The following SF3B2 variants were observed in gnomAD, a reference collection of about 807,000 sequenced individuals.
SF3B2 encodes splicing factor 3b subunit 2, also known as SAP 145.
A neutral mutation model predicts 116.3 loss-of-function variants in SF3B2; 22 were observed. The observed-to-expected ratio is 0.19, with a 90% CI of 0.14 to 0.27. The LOEUF (loss-of-function observed/expected upper bound fraction) is 0.27, where lower values mean the gene tolerates loss of function less well. Ranked by LOEUF, SF3B2 falls within the 10% of genes least tolerant of loss-of-function variation. The pLI, the probability that SF3B2 is intolerant of heterozygous loss-of-function variation, is 1.00. For synonymous variants in SF3B2, 406 were observed against 421.6 expected, an observed-to-expected ratio of 0.96 and a Z score of 0.45; for missense variants, 767 against 1,151.4, an observed-to-expected ratio of 0.67 and a Z score of 4.83.
In SF3B2 at chr11:66,069,062, A is replaced by G; in HGVS notation, c.*317A>G. The G allele has an allele frequency of 2.5e-6, 1 of 393,064 alleles. No individual in the cohort carries two copies. The highest frequency in any genetic ancestry group is 4.9e-6 in the Non-Finnish European group (1 of 205,942). 24.3% of individuals were successfully genotyped at this position (393,064 alleles called of 1,614,324 possible). On this transcript the variant is annotated 3_prime_UTR_variant, in exon 22 of 22. Coordinates refer to ENST00000322535, the MANE Select transcript of SF3B2 (RefSeq NM_006842.3). ...GTGGTGACGCCAACCCCAGGCTGAAATCTGTGTTTCACCACTGCCCTGCTT... is the reference window on the plus strand; with the variant it reads ...GTGGTGACGCCAACCCCAGGCTGAAGTCTGTGTTTCACCACTGCCCTGCTT...
intron 7 of SF3B2, among the ~76,000 whole-genome samples, 184 bp downstream of exon 7, chr11:66,057,559 A>G (rs1303161974): frequency 6.6e-6 from 1 of 152,080 alleles, no homozygotes; most frequent in Non-Finnish European, 1.5e-5. Flanking sequence ...ACTGAGGCAG[A>G]GTCTTGGGGT....
At chr11:66,064,643 T>C (rs1332720341) in intron 19 of SF3B2, 3 of 152,224 alleles carry the variant, frequency 2.0e-5, no homozygotes, top group Admixed American at 6.5e-5. Context: ...CTATCTGATA[T>C]CATTTTTCCT....
chr11:66,061,854 G>A (rs1373834450), intron 15 of SF3B2, 37 bp from the exon 16 acceptor site: 4 of 1,606,334 alleles, frequency 2.5e-6, no homozygotes, highest in Non-Finnish European at 3.4e-6. Context: ...CAGGGATAGG[G>A]TTTGGCAGAT....
In SF3B2 at chr11:66,055,146, C is replaced by T. The variant is rs1856968860; in HGVS notation, c.329C>T (p.Pro110Leu). 21 of 1,586,978 alleles carry T rather than the reference C, an allele frequency of 1.3e-5. No individual in the cohort carries two copies. The highest frequency in any genetic ancestry group is 1.7e-5 in the Non-Finnish European group (20 of 1,162,316). The change falls in exon 4 of 22, where the codon CCA (proline) becomes CTA (leucine). Residue 110 changes from proline (P) to leucine (L), a missense_variant. Coordinates refer to ENST00000322535, the MANE Select transcript of SF3B2 (RefSeq NM_006842.3). The part of the protein sequence containing the change: ...PPLQPPPPPP[P>L]PPPGLGLGFP... ...CTGCAGCCTCCTCCGCCACCCCCAC[C>T]ACCTCCACCAGGCCTTGGCCTTGGC...
intron 16 of SF3B2, 63 bp downstream of exon 16, chr11:66,062,061 T>C (rs1857108901): frequency 3.3e-6 from 4 of 1,200,530 alleles, no homozygotes; most frequent in Non-Finnish European, 4.8e-6. Flanking sequence ...GGTAATTTGT[T>C]TGTTTTCCTT....
chr11:66,052,669 G>A lies in SF3B2; in HGVS notation c.134-4G>A. On this transcript the variant is annotated splice_polypyrimidine_tract_variant and splice_region_variant and intron_variant, in intron 1 of 21. Transcript: ENST00000322535. ...CCCCATTGATCGTGTACTTTGCCCT[G>A]CAGGTAATCGCGAGGAGCTGGTGGA... 1 of 1,594,654 alleles carries A rather than the reference G, an allele frequency of 6.3e-7. No homozygotes were observed. Among genetic ancestry groups the A allele is most frequent in the South Asian group, 1.1e-5 (1 of 88,338 alleles).
Position 66,059,907 on chromosome 11 carries a change from A to G in SF3B2, c.1527A>G (p.Lys509=). 6.2e-7 allele frequency: 1 copy of G among 1,614,148 alleles called. No homozygotes were observed. Among genetic ancestry groups the G allele is most frequent in the East Asian group, 2.2e-5 (1 of 44,872 alleles). ...PVPRHWCFKR[K]YLQGKRGIEK... Reference sequence around the variant, plus strand: ...CACGCCACTGGTGTTTTAAGCGCAAATACCTGCAGGGCAAACGGGGCATTG... The same window carrying G: ...CACGCCACTGGTGTTTTAAGCGCAAGTACCTGCAGGGCAAACGGGGCATTG... The change falls in exon 13 of 22, where the codon AAA becomes AAG. Residue 509 remains lysine, a synonymous_variant. Coordinates refer to ENST00000322535, the MANE Select transcript of SF3B2 (RefSeq NM_006842.3). This position sits in a 1 kb window ranked among gnomAD's most constrained non-coding sequence, Gnocchi z 5.0.
chr11:66,056,791 G>A (rs764682794), intron 5 of SF3B2, 47 bp from the exon 6 acceptor site: 5 of 1,456,794 alleles, frequency 3.4e-6, no homozygotes, highest in African/African-American at 1.4e-5. Flanking sequence ...GGGGCTGCCT[G>A]CCAAATGCGT....
At position 66,058,158 on chromosome 11, in the gene SF3B2, C is replaced by T. The variant is rs1857035916; in HGVS notation, c.874+8C>T. 1 of 1,605,846 alleles carries T rather than the reference C, an allele frequency of 6.2e-7. No homozygotes were observed. The highest frequency in any genetic ancestry group is 1.1e-5 in the South Asian group (1 of 90,348). ...AGATGAATTCTCAGCAGGGTGAGTG[C>T]CAGGCGTTCTGATGCTGTAGCCACA... On this transcript the variant is annotated splice_region_variant and intron_variant, in intron 8 of 21. Coordinates refer to ENST00000322535, the MANE Select transcript of SF3B2 (RefSeq NM_006842.3).
At chr11:66,057,127 A>T (rs748025103) in intron 6 of SF3B2, 139 bp from the exon 7 acceptor site, 35 of 854,254 alleles carry the variant, frequency 4.1e-5, no homozygotes, top group Admixed American at 1.0e-4. Flanking sequence ...ATGATCCAAA[A>T]CATTACCAGC....
chr11:66,055,442 C>A, intron 4 of SF3B2, 93 bp from the exon 5 acceptor site: 1 of 1,592,294 alleles, frequency 6.3e-7, no homozygotes, highest in Non-Finnish European at 8.6e-7. Context: ...GGAACATGGG[C>A]CCTTGACTGG....
In SF3B2 at chr11:66,061,936, T is replaced by TA. The variant is rs1385279210; in HGVS notation, c.1916dup (p.Tyr639Ter). ...CCCATGGCTGATTGCCATGCAGCGATATGGACCACCCCCATCGTATCCCAA... is the reference window on the plus strand; with the variant it reads ...CCCATGGCTGATTGCCATGCAGCGATAATGGACCACCCCCATCGTATCCCAA... ...PPPWLIAMQR[Y>*]GPPPSYPNLK... The change falls in exon 16 of 22, where the codon TAT becomes TAAT. Residue 639 changes from tyrosine (Y) to a stop codon, truncating the protein, a stop_gained and frameshift_variant. Transcript: ENST00000322535. LOFTEE classifies it high-confidence loss of function. 1 of 1,613,960 alleles carries TA rather than the reference T, an allele frequency of 6.2e-7. No homozygotes were observed.
chr11:66,068,461 A>C, intron 21 of SF3B2, 128 bp downstream of exon 21: 1 of 1,048,764 alleles, frequency 9.5e-7, no homozygotes, highest in Non-Finnish European at 1.4e-6. Context: ...GCTTCCTTAG[A>C]TTTGGAAGTC....
In SF3B2 at chr11:66,068,810, C is replaced by T; in HGVS notation, c.*65C>T. On this transcript the variant is annotated 3_prime_UTR_variant, in exon 22 of 22. Transcript: ENST00000322535. ...ATGCCTGGGCTTCACACAAGAACCA[C>T]CTCTCCCGCAGTTCCCAAGGACTTG... The T allele has an allele frequency of 8.0e-7, 1 of 1,257,646 alleles. No individual in the cohort carries two copies. The highest frequency in any genetic ancestry group is 1.2e-6 in the Non-Finnish European group (1 of 863,150). 77.9% of individuals were successfully genotyped at this position (1,257,646 alleles called of 1,614,324 possible).
At chr11:66,062,477 A>T (rs938757250) in intron 16 of SF3B2, among the ~76,000 whole-genome samples, 2 of 139,976 alleles carry the variant, frequency 1.4e-5, no homozygotes, top group African/African-American at 5.2e-5. Context: ...CCTCTACTTT[A>T]AAAAAAAAAA....
Position 66,058,965 on chromosome 11 carries a change from G to A in SF3B2, c.1102G>A (p.Glu368Lys), listed in dbSNP as rs1304508866. ...RGSDSPAADV[E>K]IEYVTEEPEI... Reference sequence around the variant, plus strand: ...CTCTGATTCCCCAGCAGCTGATGTTGAGATTGAGTATGTGACTGAAGAACC... The same window carrying A: ...CTCTGATTCCCCAGCAGCTGATGTTAAGATTGAGTATGTGACTGAAGAACC... The change falls in exon 10 of 22, where the codon GAG becomes AAG. Residue 368 changes from glutamate to lysine, a missense_variant. Physicochemically the swap from Glu to Lys is moderately conservative, Grantham distance 56. Coordinates refer to ENST00000322535, the MANE Select transcript of SF3B2 (RefSeq NM_006842.3). 2 of 1,614,200 alleles carry A rather than the reference G, an allele frequency of 1.2e-6. No homozygotes were observed. The highest frequency in any genetic ancestry group is 8.5e-7 in the Non-Finnish European group (1 of 1,180,038).
intron 19 of SF3B2, chr11:66,067,084 C>T (rs1400222160): frequency 4.4e-6 from 1 of 226,208 alleles, no homozygotes; most frequent in Non-Finnish European, 9.0e-6. Flanking sequence ...TCTTGAAAAC[C>T]ACTGTTTCAT....
intron 14 of SF3B2, 125 bp downstream of exon 14, chr11:66,060,856 G>A (rs1195171457): frequency 3.8e-6 from 4 of 1,058,004 alleles, no homozygotes; most frequent in African/African-American, 1.6e-5. Context: ...CTGGAGTGCA[G>A]TGGTGGGATC....
intron 14 of SF3B2, 52 bp from the exon 15 acceptor site, chr11:66,061,634 C>T (rs1857101224): frequency 4.3e-5 from 57 of 1,334,776 alleles, no homozygotes; most frequent in Non-Finnish European, 5.8e-5. Context: ...TAGGATTGTG[C>T]TCCCACTGAG....
Sources: gnomAD v4.1 joint callset for allele counts (sites outside exome capture counted in the v4.1 genomes callset) on GRCh38, gnomAD v4.1.1 for gene constraint, Gnocchi (gnomAD v3.1) non-coding constraint, MANE v1.5 for transcripts, NCBI Gene and HGNC (gene_info 2026-07-23, HGNC 2026-07-21) for gene names.